Variants in MBNL1 observed in about 807,000 individuals in gnomAD.
MBNL1 encodes the protein muscleblind-like protein 1.
In MBNL1, 8 loss-of-function variants were observed where a neutral mutation model predicts 42.2. The observed-to-expected ratio is 0.19, with a 90% CI of 0.11 to 0.34. The LOEUF is 0.34. MBNL1 is among the 10% of genes least tolerant of loss of function. The pLI is 1.00. For synonymous variants in MBNL1, 169 were observed against 173.9 expected, an observed-to-expected ratio of 0.97 and a Z score of 0.22; for missense variants, 309 against 495.3, an observed-to-expected ratio of 0.62 and a Z score of 3.57.
At chr3:152,317,883 C>A (rs1370983068) in intron 2 of MBNL1, among the ~76,000 whole-genome samples, 1 of 152,164 alleles carries the variant, frequency 6.6e-6, no homozygotes, top group Non-Finnish European at 1.5e-5. Flanking sequence ...TTGTAGTGGA[C>A]TTAAATGTAT....
intron 1 of MBNL1, among the ~76,000 whole-genome samples, chr3:152,276,185 T>C (rs1200431579): frequency 2.0e-5 from 3 of 152,190 alleles, no homozygotes; most frequent in Non-Finnish European, 4.4e-5. Context: ...CAATTTTTCT[T>C]GTCTTGCCTC....
In MBNL1 at chr3:152,251,071, A is replaced by G. The variant is rs1343669971; in HGVS notation, n.333+6631A>G. 4.6e-5 allele frequency among the ~76,000 whole-genome samples: 7 copies of G among 152,262 alleles called. No homozygotes were observed. In the East Asian group the frequency reaches 1.3e-3, roughly 29 times the overall value. The stretch of plus-strand genomic sequence containing the variant: ...AATAAATGTAATCCAGCATATAAAC[A>G]GAGATAATCTCTTATATTATGGTTA... On this transcript the variant is annotated intron_variant and non_coding_transcript_variant, in intron 2 of 2. Transcript: ENST00000477171.
At chr3:152,335,188 T>TTATCTATGGAAG (rs1181874601) in intron 2 of MBNL1, 1 of 1,289,720 alleles carries the variant, frequency 7.8e-7, no homozygotes, top group East Asian at 5.6e-5. Flanking sequence ...AAGCTGTATC[T>TTATCTATGGAAG]TATCTATGGA....
intron 2 of MBNL1, among the ~76,000 whole-genome samples, chr3:152,368,744 A>G (rs13065698): frequency 0.42 from 63,385 of 151,912 alleles, 13,623 homozygotes; most frequent in East Asian, 0.55. Context: ...CTTGTAAGTT[A>G]TATTCCTAGG....
intron 2 of MBNL1, among the ~76,000 whole-genome samples, chr3:152,349,151 T>G (rs1165309110): frequency 6.6e-6 from 1 of 152,086 alleles, no homozygotes; most frequent in Non-Finnish European, 1.5e-5. Context: ...TCCCTAAGAA[T>G]GTATCCCTTG....
intron 2 of MBNL1, among the ~76,000 whole-genome samples, chr3:152,366,313 C>T (rs186554379): frequency 6.6e-6 from 1 of 152,024 alleles, no homozygotes; most frequent in Non-Finnish European, 1.5e-5. Flanking sequence ...GGACATAATT[C>T]TTTGAGAAAG....
chr3:152,343,638 G>T (rs1423895196), intron 2 of MBNL1, among the ~76,000 whole-genome samples: 1 of 152,118 alleles, frequency 6.6e-6, no homozygotes, highest in Non-Finnish European at 1.5e-5. Flanking sequence ...AGGATGTCCT[G>T]GGGATGGGGG....
At chr3:152,333,435 G>T (rs529938102) in intron 2 of MBNL1, among the ~76,000 whole-genome samples, 4 of 152,270 alleles carry the variant, frequency 2.6e-5, no homozygotes, top group African/African-American at 4.8e-5. Context: ...TGCCACCAGG[G>T]TTCTGGCCAA....
Position 152,462,720 on chromosome 3 carries a change from A to G in MBNL1, c.*354A>G, listed in dbSNP as rs932252990. 3.9e-5 allele frequency: 6 copies of G among 152,202 alleles called. No homozygotes were observed. The highest frequency in any genetic ancestry group is 1.4e-4 in the African/African-American group (6 of 41,452). The allele number at this position is 152,202 out of a possible 1,614,324, so 9.4% of individuals were successfully genotyped here. A position where few individuals can be genotyped will look rare whatever the true frequency, so the allele number is the denominator to read the frequency against. ...TCATGCCATCTTGAAAAGACAGACT[A>G]TGGTGTAACCATGATTCTATTATGT... On this transcript the variant is annotated 3_prime_UTR_variant, in exon 10 of 10. Coordinates refer to ENST00000324210, the MANE Select transcript of MBNL1 (RefSeq NM_021038.5).
Position 152,458,292 on chromosome 3 carries a change from G to C in MBNL1, c.1093-979G>C, listed in dbSNP as rs1737823987. 7.9e-6 allele frequency: 8 copies of C among 1,017,122 alleles called. No homozygotes were observed. In the South Asian group the frequency reaches 9.7e-5, roughly 12 times the overall value. The allele number at this position is 1,017,122 out of a possible 1,614,324, so 63.0% of individuals were successfully genotyped here. On this transcript the variant is annotated intron_variant, in intron 8 of 9. Coordinates refer to ENST00000324210, the MANE Select transcript of MBNL1 (RefSeq NM_021038.5). Reference sequence around the variant, plus strand: ...TCAGCTGAGAACTGGAAATAAAACAGGGACATATTAATATACACGCCAGAC... The same window carrying C: ...TCAGCTGAGAACTGGAAATAAAACACGGACATATTAATATACACGCCAGAC...
chr3:152,256,610 A>AAT (rs1323270601), intron 2 of MBNL1, among the ~76,000 whole-genome samples: 2 of 152,292 alleles, frequency 1.3e-5, no homozygotes, highest in Admixed American at 1.3e-4. Context: ...GATCTAAATG[A>AAT]ATCATATCAC....
Position 152,414,937 on chromosome 3 carries a change from C to G in MBNL1, c.175-4C>G, listed in dbSNP as rs757332881. ...GATGATGTTTGCTGCTTTTGTTTCT[C>G]TAGGGCCGTTGCTCCAGGGAGAACT... On this transcript the variant is annotated splice_polypyrimidine_tract_variant and splice_region_variant and intron_variant, in intron 2 of 9. Transcript: ENST00000324210. 1.2e-6 allele frequency: 2 copies of G among 1,609,500 alleles called. No homozygotes were observed. Among genetic ancestry groups the G allele is most frequent in the East Asian group, 4.5e-5 (2 of 44,588 alleles).
intron 2 of MBNL1, 113 bp downstream of exon 2, chr3:152,300,480 A>G (rs2060263202): frequency 4.4e-6 from 4 of 907,094 alleles, no homozygotes; most frequent in Middle Eastern, 2.5e-4. Flanking sequence ...GTTTAGTTAT[A>G]CAGTGTGTTG....
intron 3 of MBNL1, among the ~76,000 whole-genome samples, chr3:152,427,916 C>CTA (rs1164957675): frequency 1.3e-5 from 2 of 151,526 alleles, no homozygotes; most frequent in African/African-American, 4.8e-5. Context: ...TATACTCCCT[C>CTA]TATTTTTTTT....
intron 2 of MBNL1, among the ~76,000 whole-genome samples, chr3:152,390,542 GTAAA>G (rs1172125847): frequency 6.6e-6 from 1 of 150,696 alleles, no homozygotes; most frequent in Non-Finnish European, 1.5e-5. Flanking sequence ...AAGTAGTATA[GTAAA>G]TAAGTAAACC....
intron 2 of MBNL1, among the ~76,000 whole-genome samples, chr3:152,411,218 T>G (rs1470344467): frequency 6.6e-6 from 1 of 152,204 alleles, no homozygotes; most frequent in African/African-American, 2.4e-5. Context: ...TGGAGCTACC[T>G]GTACCTATCA....
chr3:152,266,352 A>G (rs77853562), upstream of MBNL1: 1 of 47,162 alleles, frequency 2.1e-5, no homozygotes, highest in Non-Finnish European at 7.0e-5. Context: ...CTCAGTTTCC[A>G]TTTCTCTTTT....
chr3:152,338,097 A>G, intron 2 of MBNL1: 1 of 968,770 alleles, frequency 1.0e-6, no homozygotes, highest in African/African-American at 1.8e-5. Context: ...TATAATATGT[A>G]TTCCTTACTT....
At chr3:152,437,177 A>G (rs1483364019) in intron 4 of MBNL1, among the ~76,000 whole-genome samples, 1 of 152,206 alleles carries the variant, frequency 6.6e-6, no homozygotes, top group East Asian at 1.9e-4. Context: ...TCTGAAGCAT[A>G]TTTTTGAATG....
Sources: allele counts gnomAD v4.1 joint callset (sites outside exome capture counted in the v4.1 genomes callset), GRCh38; gene constraint gnomAD v4.1.1; transcripts MANE v1.5; gene names NCBI Gene and HGNC (gene_info 2026-07-23, HGNC 2026-07-21).